Variants in BTBD10 observed in about 807,000 individuals in gnomAD.
The protein encoded by BTBD10 is BTB domain containing 10, also known as BTB/POZ domain-containing protein 10.
A neutral mutation model predicts 53.2 loss-of-function variants in BTBD10; 21 were observed. That is an observed-to-expected ratio of 0.39 (90% confidence interval 0.28 to 0.57). The LOEUF is 0.57. BTBD10 is among the 20% of genes least tolerant of loss of function. The pLI is 0.53. For missense variants in BTBD10, 360 were observed against 594.7 expected, an observed-to-expected ratio of 0.61 and a Z score of 4.10; for synonymous variants, 149 against 192.7, an observed-to-expected ratio of 0.77 and a Z score of 1.88.
intron 2 of BTBD10, chr11:13,440,236 G>A (rs1032173996): frequency 6.2e-6 from 8 of 1,299,234 alleles, no homozygotes; most frequent in South Asian, 3.0e-5. Context: ...TGACTCAGCC[G>A]TGGGTTGTGC....
At chr11:13,406,430 T>C in intron 6 of BTBD10, among the ~76,000 whole-genome samples, 1 of 152,162 alleles carries the variant, frequency 6.6e-6, no homozygotes, top group East Asian at 1.9e-4. Context: ...CACTGCTTTT[T>C]TCTTTTATTT....
At chr11:13,409,581 T>C (rs1445189015) in intron 6 of BTBD10, among the ~76,000 whole-genome samples, 2 of 152,184 alleles carry the variant, frequency 1.3e-5, no homozygotes, top group Admixed American at 1.3e-4. Context: ...GTACCCTAAA[T>C]ATGTCACATT....
In BTBD10 at chr11:13,412,756, GC is replaced by G. The variant is rs147097416; in HGVS notation, c.808+773del. On this transcript the variant is annotated intron_variant, in intron 6 of 8. Transcript: ENST00000278174. Reference sequence around the variant, plus strand: ...CCACTGAACTCTTCCACGATCCTTAGCCCACAATGACTTCCCCTTCCTCTGA... The same window carrying G: ...CCACTGAACTCTTCCACGATCCTTAGCCACAATGACTTCCCCTTCCTCTGA... Among the ~76,000 whole-genome samples, 510 of 152,182 alleles carry G rather than the reference GC, an allele frequency of 3.4e-3. 4 individuals carry two copies. The Middle Eastern group carries it at 0.041, about 12-fold the overall frequency.
chr11:13,394,480 G>C (rs1184626090), intron 8 of BTBD10, among the ~76,000 whole-genome samples: 1 of 152,160 alleles, frequency 6.6e-6, no homozygotes, highest in Non-Finnish European at 1.5e-5. Context: ...TAAGCCTGCG[G>C]AATTGTGCAC....
chr11:13,396,782 G>T (rs148843621), intron 8 of BTBD10, among the ~76,000 whole-genome samples: 2,146 of 152,252 alleles, frequency 0.014, 52 homozygotes, highest in African/African-American at 0.049. Context: ...GGCCTTTTCT[G>T]CATCTATTGA....
At position 13,417,182 on chromosome 11, in the gene BTBD10, A is replaced by G. The variant is rs1286082021; in HGVS notation, c.663T>C (p.Gly221=). The G allele has an allele frequency of 6.2e-7, 1 of 1,613,194 alleles. No homozygotes were observed. The highest frequency in any genetic ancestry group is 8.5e-7 in the Non-Finnish European group (1 of 1,179,710). The part of the protein sequence containing the change: ...KGEYEVAEGI[G]STVFRAILDY... ...CCAGAATCGCTCGAAACACAGTGGA[A>G]CCAATTCCCTCTGCCACCTCATACT... The change falls in exon 5 of 9, where the codon GGT becomes GGC. Residue 221 remains glycine, a synonymous_variant. Transcript: ENST00000278174.
chr11:13,423,800 G>C (rs375550197), intron 2 of BTBD10, among the ~76,000 whole-genome samples: 1 of 152,094 alleles, frequency 6.6e-6, no homozygotes, highest in African/African-American at 2.4e-5. Context: ...TACCAGGACA[G>C]AAGATAAAGT....
chr11:13,410,594 T>A (rs1291749927), intron 6 of BTBD10, among the ~76,000 whole-genome samples: 1 of 152,114 alleles, frequency 6.6e-6, no homozygotes, highest in Non-Finnish European at 1.5e-5. Context: ...GTTCAAAATC[T>A]TCTAGCCAAT....
At chr11:13,389,187 C>G in intron 8 of BTBD10, 46 bp from the exon 9 acceptor site, 3 of 1,522,014 alleles carry the variant, frequency 2.0e-6, no homozygotes. Context: ...ACACACAGAC[C>G]TCTCACCCAA....
At chr11:13,394,944 G>C (rs960943676) in intron 8 of BTBD10, among the ~76,000 whole-genome samples, 20 of 151,364 alleles carry the variant, frequency 1.3e-4, no homozygotes, top group African/African-American at 4.6e-4. Flanking sequence ...GTCTATCATT[G>C]TTGGACATTT....
At chr11:13,427,859 T>C (rs1214810004) in intron 2 of BTBD10, among the ~76,000 whole-genome samples, 3 of 152,070 alleles carry the variant, frequency 2.0e-5, no homozygotes, top group South Asian at 2.1e-4. Context: ...TTAAATAATA[T>C]CTTTACCTAA....
chr11:13,459,310 G>C (rs1032727334), intron 1 of BTBD10, among the ~76,000 whole-genome samples: 1 of 151,816 alleles, frequency 6.6e-6, no homozygotes, highest in African/African-American at 2.4e-5. Context: ...CGCCCGCCTC[G>C]GCCTCCCAAA....
rs11423580 is a variant in BTBD10 at position 13,418,971 on chromosome 11, C to CTTTTTTTTTTTTTTTTTTTTTT, written c.584+488_584+489insAAAAAAAAAAAAAAAAAAAAAA. Among the ~76,000 whole-genome samples the CTTTTTTTTTTTTTTTTTTTTTT allele has an allele frequency of 1.6e-5, 2 of 125,452 alleles. 1 individual carries two copies. Among genetic ancestry groups the CTTTTTTTTTTTTTTTTTTTTTT allele is most frequent in the African/African-American group, 6.0e-5 (2 of 33,090 alleles). The allele number at this position is 125,452 out of a possible 152,430, so 82.3% of individuals were successfully genotyped here. A position where few individuals can be genotyped will look rare whatever the true frequency, so the allele number is the denominator to read the frequency against. On this transcript the variant is annotated intron_variant, in intron 4 of 8. Transcript: ENST00000278174. Reference sequence around the variant, plus strand: ...TTTTGCTAACTACTTGTTGACATTCCTTTTTTTTTTTTTTTTTTTTAAAAG... The same window carrying CTTTTTTTTTTTTTTTTTTTTTT: ...TTTTGCTAACTACTTGTTGACATTCCTTTTTTTTTTTTTTTTTTTTTTTTTTTTTTTTTTTTTTTTTTAAAAG...
At chr11:13,413,457 C>G in intron 6 of BTBD10, 73 bp downstream of exon 6, 15 of 1,332,614 alleles carry the variant, frequency 1.1e-5, no homozygotes, top group Non-Finnish European at 1.5e-5. Context: ...AGGTAAATAG[C>G]ACTAATTTCA....
chr11:13,456,214 A>G (rs1950965025), intron 1 of BTBD10, among the ~76,000 whole-genome samples: 1 of 152,208 alleles, frequency 6.6e-6, no homozygotes, highest in African/African-American at 2.4e-5. Context: ...AATAATTGAA[A>G]GTCTGTGGTG....
intron 6 of BTBD10, among the ~76,000 whole-genome samples, chr11:13,407,255 C>A (rs751562194): frequency 2.6e-5 from 4 of 152,130 alleles, no homozygotes; most frequent in Non-Finnish European, 4.4e-5. Context: ...ATTTTAAGTT[C>A]TTTTCTTCTT....
At chr11:13,420,542 A>G (rs929715244) in intron 3 of BTBD10, among the ~76,000 whole-genome samples, 6 of 152,194 alleles carry the variant, frequency 3.9e-5, no homozygotes, top group African/African-American at 1.4e-4. Context: ...ATTTTGTGAT[A>G]TATTTCATTT....
chr11:13,431,001 A>ACACACACAC (rs1161727964), intron 2 of BTBD10, among the ~76,000 whole-genome samples: 7 of 151,114 alleles, frequency 4.6e-5, no homozygotes, highest in East Asian at 1.9e-4. Flanking sequence ...ACACACACAC[A>ACACACACAC]CAGATATATA....
At chr11:13,393,107 G>C (rs1949450109) in intron 8 of BTBD10, among the ~76,000 whole-genome samples, 2 of 152,286 alleles carry the variant, frequency 1.3e-5, no homozygotes, top group Non-Finnish European at 2.9e-5. Context: ...ATTTAGGTAA[G>C]AATTATTTGT....
Sources: gnomAD v4.1 joint callset for allele counts (sites outside exome capture counted in the v4.1 genomes callset) on GRCh38, gnomAD v4.1.1 for gene constraint, MANE v1.5 for transcripts, NCBI Gene and HGNC (gene_info 2026-07-23, HGNC 2026-07-21) for gene names.